FHIT: variants seen among roughly 807,000 people sequenced by gnomAD.
FHIT encodes bis(5'-adenosyl)-triphosphatase.
FHIT carries 19 observed loss-of-function variants against 17.9 expected under a neutral mutation model. The observed-to-expected ratio is 1.06, with a 90% CI of 0.74 to 1.56. FHIT has a LOEUF of 1.56. FHIT is among the 40% of genes most tolerant of loss of function. The probability of loss-of-function intolerance (pLI) is 0.00; values close to 1 mark genes in which losing one functional copy is unlikely to be tolerated. For synonymous variants in FHIT, 81 were observed against 69.7 expected (o/e 1.16, Z -0.81); for missense variants, 248 against 189.2 (o/e 1.31, Z -1.82).
chr3:61,179,870 C>G (rs4688324), intron 2 of FHIT, among the ~76,000 whole-genome samples: 10,581 of 152,160 alleles, frequency 0.07, 1,079 homozygotes, highest in East Asian at 0.42. Context: ...ACCTCTTATT[C>G]TAGATGCTGG....
intron 3 of FHIT, among the ~76,000 whole-genome samples, chr3:61,013,612 G>A (rs550176866): frequency 1.2e-3 from 186 of 152,122 alleles, no homozygotes; most frequent in Non-Finnish European, 2.3e-3. Flanking sequence ...GGCAAAAAAG[G>A]AAAATAGAAA....
intron 5 of FHIT, among the ~76,000 whole-genome samples, chr3:60,130,831 G>GTACA (rs1317963467): frequency 3.6e-5 from 3 of 82,952 alleles, no homozygotes; most frequent in African/African-American, 1.1e-4. Flanking sequence ...GTATAGGTGT[G>GTACA]TACATACATA....
chr3:60,225,936 C>A (rs1007757491), intron 5 of FHIT, among the ~76,000 whole-genome samples: 4 of 152,114 alleles, frequency 2.6e-5, no homozygotes, highest in Non-Finnish European at 5.9e-5. Context: ...ACAGTCATTT[C>A]AACATTTCTG....
chr3:60,438,282 G>T (rs1187997757), intron 5 of FHIT, among the ~76,000 whole-genome samples: 1 of 151,986 alleles, frequency 6.6e-6, no homozygotes, highest in African/African-American at 2.4e-5. Context: ...GGAGATTTAA[G>T]ATGCTAATGA....
chr3:60,770,848 T>A (rs782506697), intron 4 of FHIT, among the ~76,000 whole-genome samples: 2 of 152,208 alleles, frequency 1.3e-5, no homozygotes, highest in Non-Finnish European at 2.9e-5. Context: ...AAATGCCCCA[T>A]ATCCTTTAAT....
At chr3:59,955,540 T>G (rs1293430003) in intron 7 of FHIT, among the ~76,000 whole-genome samples, 1 of 152,192 alleles carries the variant, frequency 6.6e-6, no homozygotes, top group Non-Finnish European at 1.5e-5. Context: ...ACTTCTCCGC[T>G]GGTTGTCAGA....
At chr3:60,089,675 T>A (rs888661777) in intron 5 of FHIT, among the ~76,000 whole-genome samples, 1 of 152,164 alleles carries the variant, frequency 6.6e-6, no homozygotes, top group East Asian at 1.9e-4. Flanking sequence ...ATGGGTGATT[T>A]ATAAAGAACA....
intron 8 of FHIT, among the ~76,000 whole-genome samples, chr3:59,755,957 TC>T (rs1701196764): frequency 1.3e-5 from 2 of 152,188 alleles, no homozygotes; most frequent in African/African-American, 4.8e-5. Flanking sequence ...TCCTTTAATC[TC>T]TTTGTGTCTC....
intron 7 of FHIT, among the ~76,000 whole-genome samples, chr3:59,989,244 T>C (rs1308895100): frequency 6.6e-6 from 1 of 152,084 alleles, no homozygotes; most frequent in African/African-American, 2.4e-5. Flanking sequence ...AACTGAGCTC[T>C]TGAGTTCCTG....
rs551192595 is a variant in FHIT at position 60,064,764 on chromosome 3, T to C, written c.104-50612A>G. ...ATCCAGTTTTGTTTGTATTTTCATT[T>C]ACATCCCTTTCACCTTAACCATTTT... On this transcript the variant is annotated intron_variant, in intron 5 of 9. Coordinates refer to ENST00000492590, the MANE Select transcript of FHIT (RefSeq NM_002012.4). Among the ~76,000 whole-genome samples, 5 of 152,382 alleles carry C rather than the reference T, an allele frequency of 3.3e-5. No individual in the cohort carries two copies. The South Asian group carries it at 1.0e-3, about 32-fold the overall frequency.
chr3:60,481,851 A>G (rs1189590647), intron 5 of FHIT, among the ~76,000 whole-genome samples: 1 of 152,208 alleles, frequency 6.6e-6, no homozygotes, highest in Non-Finnish European at 1.5e-5. Context: ...TAAATGGGTT[A>G]AATGCGCCAA....
At chr3:60,122,908 G>C (rs541824825) in intron 5 of FHIT, among the ~76,000 whole-genome samples, 2 of 152,302 alleles carry the variant, frequency 1.3e-5, no homozygotes, top group East Asian at 1.9e-4. Context: ...TGTTTCCAGA[G>C]TTTTAAAATG....
At chr3:60,331,412 A>G (rs1709971688) in intron 5 of FHIT, among the ~76,000 whole-genome samples, 1 of 152,116 alleles carries the variant, frequency 6.6e-6, no homozygotes, top group African/African-American at 2.4e-5. Context: ...GACCTTAGTC[A>G]CCTTGGGGTC....
chr3:60,289,392 T>C (rs1027149831), intron 5 of FHIT, among the ~76,000 whole-genome samples: 1 of 152,212 alleles, frequency 6.6e-6, no homozygotes, highest in South Asian at 2.1e-4. Flanking sequence ...CGAAAGGACC[T>C]TTAATTTATA....
chr3:61,134,376 A>G (rs969608755), intron 2 of FHIT, among the ~76,000 whole-genome samples: 2 of 152,184 alleles, frequency 1.3e-5, no homozygotes, highest in African/African-American at 4.8e-5. Flanking sequence ...TTCAATAAGT[A>G]TTTGTTGAGC....
chr3:60,027,141 ACAC>A lies in FHIT; in HGVS notation c.104-12992_104-12990del, dbSNP rs1198085403. ...CACACACACACACACACACACACAC[ACAC>A]ACACAAAATTAGTAAACCCAATAAT... On this transcript the variant is annotated intron_variant, in intron 5 of 9. Transcript: ENST00000492590. Among the ~76,000 whole-genome samples, 1,077 of 128,602 alleles carry A rather than the reference ACAC, an allele frequency of 8.4e-3. 26 individuals are homozygous for A. Among genetic ancestry groups the A allele is most frequent in the African/African-American group, 0.028 (807 of 28,484 alleles). 84.4% of individuals were successfully genotyped at this position (128,602 alleles called of 152,430 possible).
intron 5 of FHIT, among the ~76,000 whole-genome samples, chr3:60,291,370 C>T (rs1398132308): frequency 1.3e-5 from 2 of 152,114 alleles, no homozygotes; most frequent in Non-Finnish European, 2.9e-5. Flanking sequence ...TTCTGGTCGC[C>T]TCCACCCTAA....
chr3:59,788,750 C>T (rs964328365), intron 8 of FHIT, among the ~76,000 whole-genome samples: 3 of 152,082 alleles, frequency 2.0e-5, no homozygotes, highest in Non-Finnish European at 2.9e-5. Flanking sequence ...ACCTGCCACC[C>T]ACATCTGTGT....
At chr3:60,233,018 G>C (rs773893155) in intron 5 of FHIT, among the ~76,000 whole-genome samples, 7 of 152,152 alleles carry the variant, frequency 4.6e-5, no homozygotes, top group Non-Finnish European at 7.3e-5. Flanking sequence ...AAATAACACT[G>C]TGCAGTGGTG....
Sources: gnomAD v4.1 joint callset for allele counts (sites outside exome capture counted in the v4.1 genomes callset) on GRCh38, gnomAD v4.1.1 for gene constraint, MANE v1.5 for transcripts, NCBI Gene and HGNC (gene_info 2026-07-23, HGNC 2026-07-21) for gene names.